MEIOB: variants seen among roughly 807,000 people sequenced by gnomAD.
MEIOB encodes meiosis-specific with OB domain-containing protein.
A neutral mutation model predicts 53.1 loss-of-function variants in MEIOB; 50 were observed. The ratio of observed to expected loss-of-function variants is 0.94; its 90% CI spans 0.75 to 1.19. The LOEUF is 1.19. Among genes scored for constraint, MEIOB ranks in the 50% most tolerant of loss-of-function variants. The pLI is 0.00. For synonymous variants in MEIOB, 192 were observed against 182.5 expected (o/e 1.05, Z -0.42); for missense variants, 551 against 550.8 (o/e 1.00, Z 0.00).
chr16:1,862,545 A>G (rs987685920), intron 3 of MEIOB, among the ~76,000 whole-genome samples: 1 of 152,204 alleles, frequency 6.6e-6, no homozygotes, highest in African/African-American at 2.4e-5. Flanking sequence ...GCTTAAGCCC[A>G]AAAGTTCAAG....
rs1251626309 is a variant in MEIOB, at chr16:1,846,921, G to A, written c.779-1958C>T. 2.6e-5 allele frequency among the ~76,000 whole-genome samples: 4 copies of A among 151,274 alleles called. No individual in the cohort carries two copies. In the South Asian group the frequency reaches 8.4e-4, roughly 32 times the overall value. The stretch of plus-strand genomic sequence containing the variant: ...CCTATAATCCCAGCACTTTGGGAGG[G>A]TGAGGCGGGCGGATCACGAGGTCAG... On this transcript the variant is annotated intron_variant, in intron 9 of 13. Transcript: ENST00000325962.
intron 3 of MEIOB, among the ~76,000 whole-genome samples, chr16:1,864,794 G>A (rs1416516560): frequency 2.6e-5 from 4 of 152,012 alleles, no homozygotes; most frequent in Admixed American, 1.3e-4. Flanking sequence ...GCAAAAAACC[G>A]TGTATTTCAT....
chr16:1,858,039 A>T (rs1270036600), intron 5 of MEIOB, 109 bp from the exon 6 acceptor site: 1 of 685,844 alleles, frequency 1.5e-6, no homozygotes, highest in East Asian at 2.8e-5. Flanking sequence ...GACAATACTA[A>T]TATATACTTT....
chr16:1,871,214 C>A (rs551444833), intron 1 of MEIOB, among the ~76,000 whole-genome samples: 13 of 66,422 alleles, frequency 2.0e-4, no homozygotes, highest in African/African-American at 7.7e-4. Context: ...TTTTACCCTA[C>A]AATTTTGTTT....
At chr16:1,860,262 T>A (rs7185434) in intron 5 of MEIOB, 141 bp downstream of exon 5, 38,360 of 506,920 alleles carry the variant, frequency 0.076, 1,776 homozygotes, top group South Asian at 0.19. Context: ...TAATCAAAGA[T>A]GAATTTTGTA....
chr16:1,841,557 T>C (rs1476679746), intron 11 of MEIOB, among the ~76,000 whole-genome samples: 6 of 152,194 alleles, frequency 3.9e-5, no homozygotes, highest in Non-Finnish European at 8.8e-5. Flanking sequence ...GCCAAATCAT[T>C]AGACAAGTTT....
chr16:1,864,487 C>CTT lies in MEIOB; in HGVS notation c.127+1289_127+1290dup, dbSNP rs1475030667. Reference sequence around the variant, plus strand: ...AAAACTGTGAATTTCTTTTTCTTTTCTTTTTTTTTTTTTTTTTTGAGACAG... The same window carrying CTT: ...AAAACTGTGAATTTCTTTTTCTTTTCTTTTTTTTTTTTTTTTTTTTGAGACAG... On this transcript the variant is annotated intron_variant, in intron 3 of 13. Transcript: ENST00000325962. 9.7e-5 allele frequency among the ~76,000 whole-genome samples: 11 copies of CTT among 113,302 alleles called. 2 individuals carry two copies. The highest frequency in any genetic ancestry group is 1.8e-4 in the African/African-American group (5 of 28,242). The allele number at this position is 113,302 out of a possible 152,430, so 74.3% of individuals were successfully genotyped here.
chr16:1,837,992 T>G (rs1452448168), intron 12 of MEIOB, 122 bp from the exon 13 acceptor site: 2 of 1,445,774 alleles, frequency 1.4e-6, no homozygotes, highest in Non-Finnish European at 1.8e-6. Context: ...TAATTACAGC[T>G]CAATCGTTTG....
intron 7 of MEIOB, among the ~76,000 whole-genome samples, 157 bp downstream of exon 7, chr16:1,853,943 A>G (rs1899235521): frequency 6.6e-6 from 1 of 152,218 alleles, no homozygotes; most frequent in Non-Finnish European, 1.5e-5. Flanking sequence ...ATCCATAACA[A>G]CTCAACATTC....
At chr16:1,851,009 C>A (rs1159253636) in intron 9 of MEIOB, among the ~76,000 whole-genome samples, 1 of 152,176 alleles carries the variant, frequency 6.6e-6, no homozygotes, top group Non-Finnish European at 1.5e-5. Flanking sequence ...GAGTGTTGCA[C>A]TGTTGTCCTA....
chr16:1,845,855 G>A (rs367627631), intron 9 of MEIOB, among the ~76,000 whole-genome samples: 3 of 152,118 alleles, frequency 2.0e-5, no homozygotes, highest in East Asian at 1.9e-4. Context: ...CCCAGCCTCC[G>A]GCATATGATT....
intron 9 of MEIOB, among the ~76,000 whole-genome samples, chr16:1,846,014 A>G (rs573739883): frequency 6.6e-6 from 1 of 152,120 alleles, no homozygotes; most frequent in Non-Finnish European, 1.5e-5. Context: ...AGGTTGTCAA[A>G]TCCTTGCCAG....
At chr16:1,860,606 T>C (rs1359135084) in intron 4 of MEIOB, 131 bp from the exon 5 acceptor site, 3 of 605,742 alleles carry the variant, frequency 5.0e-6, no homozygotes, top group Non-Finnish European at 8.7e-6. Context: ...ACCTCATTCA[T>C]CTTCTCCATC....
chr16:1,844,448 T>A (rs892389452), intron 10 of MEIOB, among the ~76,000 whole-genome samples: 3 of 151,750 alleles, frequency 2.0e-5, no homozygotes, highest in South Asian at 2.1e-4. Context: ...GTGTTTCTTT[T>A]ATTTTTTTAT....
chr16:1,840,738 G>A (rs1034101878), intron 11 of MEIOB, among the ~76,000 whole-genome samples: 32 of 151,894 alleles, frequency 2.1e-4, no homozygotes, highest in African/African-American at 7.3e-4. Flanking sequence ...TTTTAGTAGA[G>A]ACAGGGTTTC....
chr16:1,862,615 G>A (rs28460464), intron 3 of MEIOB, among the ~76,000 whole-genome samples: 19,182 of 150,910 alleles, frequency 0.13, 1,234 homozygotes, highest in East Asian at 0.17. Context: ...GCAAGACCCC[G>A]TCCCAAAAAT....
intron 5 of MEIOB, 134 bp downstream of exon 5, chr16:1,860,269 T>G (rs1899409756): frequency 2.0e-6 from 1 of 512,256 alleles, no homozygotes; most frequent in Non-Finnish European, 3.4e-6. Flanking sequence ...AGATGAATTT[T>G]GTAAGAGAAA....
intron 3 of MEIOB, among the ~76,000 whole-genome samples, chr16:1,863,506 C>G (rs1899507965): frequency 6.6e-6 from 1 of 151,932 alleles, no homozygotes; most frequent in Non-Finnish European, 1.5e-5. Flanking sequence ...CCTGCCTCAC[C>G]CTCCCAAGTA....
intron 13 of MEIOB, among the ~76,000 whole-genome samples, chr16:1,837,419 T>C (rs1183423081): frequency 6.6e-6 from 1 of 152,166 alleles, no homozygotes. Flanking sequence ...TTGCCCAGGC[T>C]GGCCTCAAAC....
Sources: gnomAD v4.1 joint callset for allele counts (sites outside exome capture counted in the v4.1 genomes callset) on GRCh38, gnomAD v4.1.1 for gene constraint, MANE v1.5 for transcripts, NCBI Gene and HGNC (gene_info 2026-07-23, HGNC 2026-07-21) for gene names.